Variants in ABCG2 observed in about 807,000 individuals in gnomAD.
ABCG2 encodes broad substrate specificity ATP-binding cassette transporter ABCG2.
In ABCG2, 80 loss-of-function variants were observed where a neutral mutation model predicts 73.5. The ratio of observed to expected loss-of-function variants is 1.09; its 90% CI spans 0.91 to 1.31. The LOEUF (loss-of-function observed/expected upper bound fraction) is 1.31, where lower values mean the gene tolerates loss of function less well. Ranked by LOEUF, ABCG2 falls within the 50% of genes most tolerant of loss-of-function variation. ABCG2 has a pLI of 0.00. For synonymous variants in ABCG2, 269 were observed against 282.4 expected (o/e 0.95, Z 0.48); for missense variants, 796 against 786.2 (o/e 1.01, Z -0.15).
intron 1 of ABCG2, among the ~76,000 whole-genome samples, chr4:88,194,600 A>G (rs1055733581): frequency 1.3e-5 from 2 of 148,374 alleles, no homozygotes; most frequent in African/African-American, 2.5e-5. Context: ...GGTGCTTGAA[A>G]CAATGAAATT....
At chr4:88,163,330 A>T (rs1038870665), upstream of ABCG2, among the ~76,000 whole-genome samples, 2 of 152,234 alleles carry the variant, frequency 1.3e-5, no homozygotes, top group African/African-American at 4.8e-5. Flanking sequence ...TATAAAAGGA[A>T]GGTGAGAGAA....
Position 88,147,019 on chromosome 4 carries a change from A to AAGAAAGAAAGAAAGAAAGAAAGAAAG in ABCG2, c.-19-7031_-19-7006dup, listed in dbSNP as rs1394396531. Among the ~76,000 whole-genome samples, 27 of 118,556 alleles carry AAGAAAGAAAGAAAGAAAGAAAGAAAG rather than the reference A, an allele frequency of 2.3e-4. 1 individual carries two copies. Among genetic ancestry groups the AAGAAAGAAAGAAAGAAAGAAAGAAAG allele is most frequent in the Middle Eastern group, 9.4e-3 (2 of 212 alleles). The allele number at this position is 118,556 out of a possible 152,430, so 77.8% of individuals were successfully genotyped here. On this transcript the variant is annotated intron_variant, in intron 1 of 15. Transcript: ENST00000237612. ...GAAAGAAGAAAGAGAAAGAAAAGGA[A>AAGAAAGAAAGAAAGAAAGAAAGAAAG]AGAAAGAAAGAAAGAAAGAAAGAAA...
At chr4:88,204,186 C>T (rs571824233) in intron 1 of ABCG2, among the ~76,000 whole-genome samples, 184 of 152,304 alleles carry the variant, frequency 1.2e-3, no homozygotes, top group Admixed American at 2.6e-3. Flanking sequence ...CTTTGGGAGG[C>T]TGAGGCGGGC....
intron 3 of ABCG2, 70 bp from the exon 4 acceptor site, chr4:88,131,987 C>T: frequency 2.8e-6 from 3 of 1,089,300 alleles, no homozygotes; most frequent in South Asian, 2.9e-5. Flanking sequence ...GGGTTTTTTT[C>T]CCTCCAACAC....
At chr4:88,217,757 T>C (rs1729867405) in intron 1 of ABCG2, among the ~76,000 whole-genome samples, 1 of 152,032 alleles carries the variant, frequency 6.6e-6, no homozygotes, top group Non-Finnish European at 1.5e-5. Context: ...CGGGGTCTCT[T>C]GAAGCCAGGA....
chr4:88,091,389 C>T lies in ABCG2; in HGVS notation c.*845G>A, dbSNP rs1721637187. ...TAAATCCTAAGTAAAATTTTCAGAA[C>T]TTGGAAATTACCAAATCCAGGAGTG... On this transcript the variant is annotated 3_prime_UTR_variant, in exon 16 of 16. Transcript: ENST00000237612. 6.6e-6 allele frequency: 1 copy of T among 152,174 alleles called. No homozygotes were observed. Among genetic ancestry groups the T allele is most frequent in the Admixed American group, 6.5e-5 (1 of 15,276 alleles). The allele number at this position is 152,174 out of a possible 1,614,324, so 9.4% of individuals were successfully genotyped here. A position where few individuals can be genotyped will look rare whatever the true frequency, so the allele number is the denominator to read the frequency against.
intron 1 of ABCG2, among the ~76,000 whole-genome samples, chr4:88,149,686 T>C (rs1255045299): frequency 6.6e-6 from 1 of 152,000 alleles, no homozygotes; most frequent in Non-Finnish European, 1.5e-5. Flanking sequence ...ACCCTGTCTC[T>C]ACTAAAAATA....
chr4:88,208,939 T>C (rs1729480284), intron 1 of ABCG2, among the ~76,000 whole-genome samples: 1 of 151,900 alleles, frequency 6.6e-6, no homozygotes, highest in South Asian at 2.1e-4. Flanking sequence ...GAGGCGGAGG[T>C]TACAGTGAGG....
rs781367109 is a variant in ABCG2 at position 88,101,295 on chromosome 4, C to T, written c.1302G>A (p.Thr434=). 10 of 1,613,878 alleles carry T rather than the reference C, an allele frequency of 6.2e-6. No individual in the cohort carries two copies. Among genetic ancestry groups the T allele is most frequent in the South Asian group, 1.1e-5 (1 of 91,048 alleles). ...AAACACTGCTGAAACACTGGTTGGT[C>T]GTCAGGAAGAAGAGAACCCCAGCTC... ...QNRAGVLFFL[T]TNQCFSSVSA... Residue 434 remains threonine (T), a synonymous_variant, in exon 11 of 16, where the codon ACG becomes ACA. Transcript: ENST00000237612.
At chr4:88,153,606 A>G (rs917647038) in intron 1 of ABCG2, among the ~76,000 whole-genome samples, 1 of 151,438 alleles carries the variant, frequency 6.6e-6, no homozygotes, top group Non-Finnish European at 1.5e-5. Context: ...TGATTTGACT[A>G]ATAAAGGCCG....
intron 1 of ABCG2, among the ~76,000 whole-genome samples, chr4:88,180,238 G>A (rs2110099368): frequency 6.6e-6 from 1 of 152,274 alleles, no homozygotes; most frequent in East Asian, 1.9e-4. Context: ...CTTTTCAGTG[G>A]AAATCTACAG....
chr4:88,093,738 A>G (rs1721805141), intron 15 of ABCG2, among the ~76,000 whole-genome samples: 1 of 152,176 alleles, frequency 6.6e-6, no homozygotes. Flanking sequence ...CCTGTTATTC[A>G]GAATTATTTA....
At chr4:88,132,539 G>A (rs780493870) in intron 3 of ABCG2, 37 bp downstream of exon 3, 4 of 1,609,354 alleles carry the variant, frequency 2.5e-6, no homozygotes, top group Middle Eastern at 1.7e-4. Flanking sequence ...CATTAAAAGT[G>A]CACAGAAAAC....
At chr4:88,096,707 G>A (rs146517438) in intron 13 of ABCG2, among the ~76,000 whole-genome samples, 14 of 151,694 alleles carry the variant, frequency 9.2e-5, no homozygotes, top group African/African-American at 2.4e-4. Context: ...ATTCCTCTAT[G>A]TGCAAAATTT....
intron 1 of ABCG2, among the ~76,000 whole-genome samples, chr4:88,156,812 A>G (rs1316154302): frequency 5.3e-5 from 8 of 152,162 alleles, no homozygotes; most frequent in Non-Finnish European, 1.2e-4. Flanking sequence ...CATAGGTAAT[A>G]AGAAGTATCG....
At chr4:88,184,274 T>A (rs187424580) in intron 1 of ABCG2, among the ~76,000 whole-genome samples, 100 of 152,276 alleles carry the variant, frequency 6.6e-4, no homozygotes, top group African/African-American at 2.3e-3. Context: ...CAAATTATCT[T>A]TGTTGGCAGA....
intron 1 of ABCG2, among the ~76,000 whole-genome samples, chr4:88,150,688 T>C (rs147041162): frequency 1.9e-4 from 29 of 152,328 alleles, no homozygotes; most frequent in Admixed American, 1.2e-3. Flanking sequence ...TCACATAATG[T>C]TTTAAGAAAG....
chr4:88,187,059 A>G (rs1728493901), intron 1 of ABCG2, among the ~76,000 whole-genome samples: 1 of 129,390 alleles, frequency 7.7e-6, no homozygotes, highest in South Asian at 2.7e-4. Context: ...GCGCCACTGC[A>G]CTCCAGCCTG....
chr4:88,156,616 T>C (rs1051533233), intron 1 of ABCG2, among the ~76,000 whole-genome samples: 9 of 152,138 alleles, frequency 5.9e-5, no homozygotes, highest in African/African-American at 2.2e-4. Context: ...AAGGGAATTT[T>C]AATTAAAAAA....
Sources: allele counts gnomAD v4.1 joint callset (sites outside exome capture counted in the v4.1 genomes callset), GRCh38; gene constraint gnomAD v4.1.1; transcripts MANE v1.5; gene names NCBI Gene and HGNC (gene_info 2026-07-23, HGNC 2026-07-21).